CPLANE1: variants seen among roughly 807,000 people sequenced by gnomAD.
The protein encoded by CPLANE1 is ciliogenesis and planar polarity effector 1.
A neutral mutation model predicts 362.5 loss-of-function variants in CPLANE1; 263 were observed. That is an observed-to-expected ratio of 0.73 (90% CI 0.66 to 0.80). The LOEUF is 0.80. CPLANE1 is among the 30% of genes least tolerant of loss of function. CPLANE1 has a pLI of 0.00. For synonymous variants in CPLANE1, 1,212 were observed against 1,302.6 expected (o/e 0.93, Z 1.50); for missense variants, 3,461 against 3,793.4 (o/e 0.91, Z 2.30).
chr5:37,210,411 C>T (rs1339301983), intron 16 of CPLANE1: 4 of 988,624 alleles, frequency 4.0e-6, no homozygotes, highest in Non-Finnish European at 3.2e-6. Context: ...CAAGAATGAA[C>T]TCCTAAAGTA....
intron 50 of CPLANE1, among the ~76,000 whole-genome samples, chr5:37,117,721 G>A (rs948038968): frequency 6.6e-6 from 1 of 152,188 alleles, no homozygotes. Flanking sequence ...ACGTTTCTGT[G>A]TGGGTATAAG....
chr5:37,120,414 C>A, intron 49 of CPLANE1, 74 bp from the exon 50 acceptor site: 2 of 1,371,672 alleles, frequency 1.5e-6, no homozygotes, highest in Non-Finnish European at 2.0e-6. Context: ...TTTCAAAAAG[C>A]CCAAATTAAG....
intron 8 of CPLANE1, among the ~76,000 whole-genome samples, chr5:37,234,021 T>C (rs531178165): frequency 4.6e-5 from 7 of 152,296 alleles, no homozygotes; most frequent in East Asian, 1.9e-4. Context: ...ACTACAAGTA[T>C]GCAAAATCAA....
intron 50 of CPLANE1, 32 bp downstream of exon 50, chr5:37,120,184 C>G: frequency 1.3e-6 from 2 of 1,585,482 alleles, no homozygotes; most frequent in Non-Finnish European, 1.7e-6. Context: ...AGGTCCAAAT[C>G]AGACAATTTA....
intron 5 of CPLANE1, 107 bp downstream of exon 5, chr5:37,244,268 G>T: frequency 1.6e-6 from 1 of 628,234 alleles, no homozygotes; most frequent in Non-Finnish European, 2.5e-6. Context: ...TTCCATACAA[G>T]AATTTCACAA....
chr5:37,105,969 G>T (rs1478425992), downstream of CPLANE1, among the ~76,000 whole-genome samples: 1 of 152,030 alleles, frequency 6.6e-6, no homozygotes, highest in African/African-American at 2.4e-5. Flanking sequence ...AGGTATCGCT[G>T]CACCCCAGTT....
intron 18 of CPLANE1, among the ~76,000 whole-genome samples, chr5:37,204,679 G>A (rs1790177153): frequency 6.6e-6 from 1 of 151,576 alleles, no homozygotes; most frequent in South Asian, 2.1e-4. Context: ...AGTCTCTGGG[G>A]TGGCCTTGCT....
At chr5:37,180,746 T>C (rs754650163) in intron 27 of CPLANE1, 111 bp downstream of exon 27, 131 of 1,006,560 alleles carry the variant, frequency 1.3e-4, no homozygotes, top group Non-Finnish European at 1.8e-4. Context: ...CTCCTCTACT[T>C]CAAAAAATGC....
chr5:37,183,647 T>A lies in CPLANE1; in HGVS notation c.4534A>T (p.Arg1512Trp). 1 of 1,609,366 alleles carries A rather than the reference T, an allele frequency of 6.2e-7. No homozygotes were observed. The highest frequency in any genetic ancestry group is 1.7e-4 in the Middle Eastern group (1 of 5,984). ...TTTTCTTTCTGATTACACATTTTCC[T>A]TTTATCAGTTGGCTTATGAATTGAT... ...LTSIHKPTDK[R>W]KMCNQKENPT... Residue 1512 changes from arginine to tryptophan, a missense_variant, in exon 26 of 53, where the codon AGG becomes TGG. By Grantham distance (101) the Arg-to-Trp change is moderately radical. Around this residue, in one of 2 missense-constraint regions of CPLANE1, gnomAD observed 3,380 missense variants for 3,666.1 expected, o/e 0.92. Transcript: ENST00000651892.
chr5:37,126,150 G>A (rs1764070762), intron 46 of CPLANE1, among the ~76,000 whole-genome samples: 1 of 152,158 alleles, frequency 6.6e-6, no homozygotes. Flanking sequence ...TGGGTGGGAG[G>A]ATCACTTGAG....
intron 6 of CPLANE1, among the ~76,000 whole-genome samples, chr5:37,240,970 T>C (rs1340762082): frequency 6.6e-6 from 1 of 151,944 alleles, no homozygotes; most frequent in African/African-American, 2.4e-5. Context: ...ACCCCATCTC[T>C]ACTAAAAATA....
At chr5:37,212,260 C>T (rs921713932) in intron 16 of CPLANE1, 10 of 1,389,192 alleles carry the variant, frequency 7.2e-6, no homozygotes, top group Non-Finnish European at 9.2e-6. Context: ...GACCAGGAGT[C>T]GGCAGATAAG....
chr5:37,131,805 T>C (rs933659413), intron 46 of CPLANE1, among the ~76,000 whole-genome samples: 2 of 151,836 alleles, frequency 1.3e-5, no homozygotes, highest in Non-Finnish European at 2.9e-5. Flanking sequence ...GCTGGGATTA[T>C]AGGCGTGAGC....
chr5:37,179,965 A>C (rs762210540), intron 28 of CPLANE1, 52 bp downstream of exon 28: 40 of 1,237,824 alleles, frequency 3.2e-5, no homozygotes, highest in Non-Finnish European at 4.0e-5. Context: ...AATATTATTT[A>C]CCAATTTCAA....
intron 44 of CPLANE1, chr5:37,141,965 C>T: frequency 1.9e-6 from 1 of 539,744 alleles, no homozygotes; most frequent in Non-Finnish European, 2.4e-6. Context: ...GAAATGATGG[C>T]TACTATTTTG....
At chr5:37,127,010 C>T (rs535574379) in intron 46 of CPLANE1, among the ~76,000 whole-genome samples, 1 of 152,192 alleles carries the variant, frequency 6.6e-6, no homozygotes, top group East Asian at 1.9e-4. Context: ...CAGTATCTCC[C>T]CAGTAAAACC....
intron 34 of CPLANE1, 42 bp from the exon 35 acceptor site, chr5:37,167,255 C>T (rs982218683): frequency 2.0e-6 from 3 of 1,476,930 alleles, no homozygotes; most frequent in Non-Finnish European, 2.8e-6. Context: ...AAATTGCAAA[C>T]TCAATTATGT....
the CPLANE1 span, among the ~76,000 whole-genome samples, chr5:37,084,022 G>A: frequency 3.3e-5 from 5 of 152,166 alleles, no homozygotes; most frequent in African/African-American, 1.2e-4. Flanking sequence ...CTTAAGAGCT[G>A]TGAGACAAAA....
intron 16 of CPLANE1, chr5:37,212,010 A>T (rs1221602792): frequency 1.0e-6 from 1 of 980,618 alleles, no homozygotes; most frequent in African/African-American, 1.6e-5. Flanking sequence ...AGAAGAAAAA[A>T]TATGGGAACA....
Sources: gnomAD v4.1 joint callset for allele counts (sites outside exome capture counted in the v4.1 genomes callset) on GRCh38, gnomAD v4.1.1 for gene constraint, gnomAD v4.1.1 regional missense constraint, MANE v1.5 for transcripts, NCBI Gene and HGNC (gene_info 2026-07-23, HGNC 2026-07-21) for gene names.